Variants in CTNND2 observed in about 807,000 individuals in gnomAD.
The protein encoded by CTNND2 is catenin delta-2.
CTNND2 carries 22 observed loss-of-function variants against 144.4 expected under a neutral mutation model. The ratio of observed to expected loss-of-function variants is 0.15; its 90% CI spans 0.11 to 0.22. The LOEUF is 0.22. CTNND2 is among the 10% of genes least tolerant of loss of function. The probability of loss-of-function intolerance (pLI) is 1.00; values close to 1 mark genes in which losing one functional copy is unlikely to be tolerated. For missense variants in CTNND2, 1,353 were observed against 1,618.8 expected (o/e 0.84, Z 2.82); for synonymous variants, 751 against 695.6 (o/e 1.08, Z -1.25).
chr5:11,170,561 AACACACATAC>A (rs760047745), intron 11 of CTNND2, among the ~76,000 whole-genome samples: 44 of 151,962 alleles, frequency 2.9e-4, no homozygotes, highest in Admixed American at 5.9e-4. Context: ...CCTCTACTAA[AACACACATAC>A]ACACACATAC....
intron 3 of CTNND2, among the ~76,000 whole-genome samples, chr5:11,463,333 G>T (rs1290087540): frequency 2.6e-5 from 4 of 152,198 alleles, no homozygotes; most frequent in African/African-American, 9.6e-5. Context: ...TTCATCCAGG[G>T]AGACAATTAT....
Position 11,301,623 on chromosome 5 carries a change from G to A in CTNND2, c.1628+44749C>T, listed in dbSNP as rs529535104. On this transcript the variant is annotated intron_variant, in intron 9 of 21. Transcript: ENST00000304623. ...CCCCTGAAGTTTCATTGTTGAGAGA[G>A]AAGAAATTACATTTTAAAATTCGTA... Among the ~76,000 whole-genome samples, 22 of 152,266 alleles carry A rather than the reference G, an allele frequency of 1.4e-4. No homozygotes were observed. The South Asian group carries it at 2.7e-3, about 19-fold the overall frequency.
intron 12 of CTNND2, among the ~76,000 whole-genome samples, chr5:11,152,737 A>C (rs1757853534): frequency 6.6e-6 from 1 of 152,128 alleles, no homozygotes; most frequent in South Asian, 2.1e-4. Context: ...TCCTCACTCC[A>C]CTGAACTCTG....
At chr5:11,234,551 A>C (rs1247325992) in intron 10 of CTNND2, among the ~76,000 whole-genome samples, 1 of 152,176 alleles carries the variant, frequency 6.6e-6, no homozygotes, top group Admixed American at 6.5e-5. Flanking sequence ...CTTCACTGGA[A>C]GGCCTGTGTT....
intron 6 of CTNND2, among the ~76,000 whole-genome samples, chr5:11,389,683 T>A (rs1426156623): frequency 6.6e-6 from 1 of 152,236 alleles, no homozygotes; most frequent in African/African-American, 2.4e-5. Context: ...GTTTGATGCA[T>A]TAATTTACTC....
rs547708228 is a variant in CTNND2 at position 11,290,192 on chromosome 5, A to G, written c.1629-53369T>C. On this transcript the variant is annotated intron_variant, in intron 9 of 21. Transcript: ENST00000304623. ...GCAATTTCCACTCCCCTCCCTCACC[A>G]TTAGCAAAGACCCACTCTCTTGCTA... Among the ~76,000 whole-genome samples, 8 of 152,298 alleles carry G rather than the reference A, an allele frequency of 5.3e-5. No individual in the cohort carries two copies. The South Asian group carries it at 1.7e-3, about 32-fold the overall frequency.
At chr5:11,506,971 G>C (rs25931) in intron 3 of CTNND2, among the ~76,000 whole-genome samples, 40,237 of 152,048 alleles carry the variant, frequency 0.26, 7,969 homozygotes, top group African/African-American at 0.56. Flanking sequence ...CCCTTACATC[G>C]AATTAGTTGT....
intron 2 of CTNND2, among the ~76,000 whole-genome samples, chr5:11,717,996 A>G (rs892232650): frequency 1.3e-5 from 2 of 152,256 alleles, no homozygotes; most frequent in African/African-American, 4.8e-5. Context: ...CTTCCATAAA[A>G]TAGTCCAATG....
chr5:11,312,562 C>T (rs1415276209), intron 9 of CTNND2, among the ~76,000 whole-genome samples: 1 of 151,982 alleles, frequency 6.6e-6, no homozygotes. Context: ...ATTACCTTCC[C>T]CTGGGTCCCT....
At chr5:11,011,834 G>A (rs531443475) in intron 18 of CTNND2, among the ~76,000 whole-genome samples, 4 of 152,244 alleles carry the variant, frequency 2.6e-5, no homozygotes, top group African/African-American at 9.6e-5. Context: ...ATGGGACTCT[G>A]TTTCCTATAG....
chr5:11,633,131 T>C (rs951140288), intron 2 of CTNND2, among the ~76,000 whole-genome samples: 5 of 152,148 alleles, frequency 3.3e-5, no homozygotes, highest in African/African-American at 1.2e-4. Context: ...AACATTAACC[T>C]TCACATCCAA....
chr5:11,288,804 G>GA (rs951543704), intron 9 of CTNND2, among the ~76,000 whole-genome samples: 4 of 99,194 alleles, frequency 4.0e-5, no homozygotes, highest in Admixed American at 2.2e-4. Flanking sequence ...CCTATGATGA[G>GA]AAAAAAAAAG....
intron 3 of CTNND2, among the ~76,000 whole-genome samples, chr5:11,469,904 C>A (rs552820556): frequency 7.8e-4 from 118 of 152,244 alleles, no homozygotes; most frequent in African/African-American, 2.7e-3. Context: ...AGTCTCACTG[C>A]TGTTGCCTTC....
intron 9 of CTNND2, among the ~76,000 whole-genome samples, chr5:11,329,192 G>A (rs1752829876): frequency 6.6e-6 from 1 of 152,140 alleles, no homozygotes; most frequent in Admixed American, 6.6e-5. Context: ...GTCTTGCTCT[G>A]TCACCCAGGC....
Position 10,992,583 on chromosome 5 carries a change from G to C in CTNND2, c.3179C>G (p.Ser1060Cys). ...PYSSSRTPSI[S>C]PVRVSPNNRS... The stretch of plus-strand genomic sequence containing the variant: ...GTTGTTGGGAGACACGCGCACAGGG[G>C]AGATGGAGGGCGTGCGGGAGGAGGA... The change falls in exon 19 of 22, where the codon TCC becomes TGC. Residue 1060 changes from serine to cysteine, a missense_variant. Physicochemically the swap from Ser to Cys is moderately radical, Grantham distance 112 (BLOSUM62 -1). Coordinates refer to ENST00000304623, the MANE Select transcript of CTNND2 (RefSeq NM_001332.4). 6.2e-7 allele frequency: 1 copy of C among 1,614,152 alleles called. No homozygotes were observed. The highest frequency in any genetic ancestry group is 8.5e-7 in the Non-Finnish European group (1 of 1,180,028).
chr5:11,625,879 T>C (rs1488964785), intron 2 of CTNND2, among the ~76,000 whole-genome samples: 1 of 152,182 alleles, frequency 6.6e-6, no homozygotes, highest in Non-Finnish European at 1.5e-5. Flanking sequence ...AATTTGTAAA[T>C]TTACCTTAAT....
At chr5:11,323,705 T>C (rs766674842) in intron 9 of CTNND2, among the ~76,000 whole-genome samples, 2 of 152,152 alleles carry the variant, frequency 1.3e-5, no homozygotes, top group African/African-American at 2.4e-5. Flanking sequence ...GCAATTATGG[T>C]TTTTGCCATT....
intron 9 of CTNND2, among the ~76,000 whole-genome samples, chr5:11,302,448 A>G (rs1749709553): frequency 6.6e-6 from 1 of 152,136 alleles, no homozygotes; most frequent in African/African-American, 2.4e-5. Context: ...TTTATCCCCC[A>G]GTCTGTTCCT....
intron 1 of CTNND2, among the ~76,000 whole-genome samples, chr5:11,783,647 A>G (rs1037633712): frequency 6.6e-6 from 1 of 152,192 alleles, no homozygotes; most frequent in African/African-American, 2.4e-5. Flanking sequence ...CATATTTGAC[A>G]GTGGCCAGTG....
Sources: allele counts gnomAD v4.1 joint callset (sites outside exome capture counted in the v4.1 genomes callset), GRCh38; gene constraint gnomAD v4.1.1; transcripts MANE v1.5; gene names NCBI Gene and HGNC (gene_info 2026-07-23, HGNC 2026-07-21).